GLI3: variants seen among roughly 807,000 people sequenced by gnomAD.
GLI3 encodes the protein GLI family zinc finger 3.
GLI3 carries 20 observed loss-of-function variants against 100.8 expected under a neutral mutation model. The ratio of observed to expected loss-of-function variants is 0.20; its 90% CI spans 0.14 to 0.29. The LOEUF is 0.29. Ranked by LOEUF, GLI3 falls within the 10% of genes least tolerant of loss-of-function variation. GLI3 has a pLI of 1.00. For synonymous variants in GLI3, 938 were observed against 860.5 expected (o/e 1.09, Z -1.58); for missense variants, 2,040 against 2,128.5 (o/e 0.96, Z 0.82).
upstream of GLI3, among the ~76,000 whole-genome samples, chr7:42,239,116 A>G (rs1301655805): frequency 6.6e-6 from 1 of 152,248 alleles, no homozygotes; most frequent in Non-Finnish European, 1.5e-5. Context: ...AGGTGGGGCT[A>G]AAGGCCCTAG....
At chr7:42,092,279 G>A (rs867569188) in intron 3 of GLI3, among the ~76,000 whole-genome samples, 2 of 152,122 alleles carry the variant, frequency 1.3e-5, no homozygotes, top group Non-Finnish European at 2.9e-5. Flanking sequence ...CCCCTACCCC[G>A]GTGAAAATAA....
At chr7:42,120,047 C>T (rs1785958268) in intron 3 of GLI3, among the ~76,000 whole-genome samples, 1 of 152,148 alleles carries the variant, frequency 6.6e-6, no homozygotes, top group Admixed American at 6.5e-5. Flanking sequence ...CCATGGGTCT[C>T]AAGGCTGAGG....
intron 1 of GLI3, among the ~76,000 whole-genome samples, chr7:42,253,071 A>G (rs569473237): frequency 6.6e-6 from 1 of 152,322 alleles, no homozygotes; most frequent in South Asian, 2.1e-4. Context: ...TGGAGCTTGC[A>G]TTAGCAGAAA....
intron 3 of GLI3, among the ~76,000 whole-genome samples, chr7:42,131,777 C>T (rs1034687793): frequency 3.3e-5 from 5 of 152,150 alleles, no homozygotes; most frequent in African/African-American, 9.7e-5. Flanking sequence ...GCTTACAACA[C>T]TCTTTAAAGT....
intron 3 of GLI3, among the ~76,000 whole-genome samples, chr7:42,137,905 A>T (rs915183131): frequency 2.8e-4 from 43 of 152,166 alleles, no homozygotes; most frequent in African/African-American, 9.9e-4. Context: ...GTAGACTTGG[A>T]TTTCATCTCC....
chr7:42,077,987 G>A (rs1486053480), intron 3 of GLI3, among the ~76,000 whole-genome samples: 1 of 152,210 alleles, frequency 6.6e-6, no homozygotes, highest in African/African-American at 2.4e-5. Context: ...CTGAGGATTG[G>A]TGTGTACACC....
Position 41,967,635 on chromosome 7 carries a change from G to A in GLI3, c.2392C>T (p.Pro798Ser), listed in dbSNP as rs1377781940. The change falls in exon 14 of 15, where the codon CCC becomes TCC. Residue 798 changes from proline (P) to serine (S), a missense_variant. Around this residue, in one of 5 missense-constraint regions of GLI3, gnomAD observed 327 missense variants for 338.7 expected, o/e 0.97. Coordinates refer to ENST00000395925, the MANE Select transcript of GLI3 (RefSeq NM_000168.6). ...GGAGAGACCGCAGGGGCTTTAGGGG[G>A]TAGAATGGGGTTCAGTCGCGGAAAC... Reference protein sequence around the residue: ...GMFPRLNPILPPKAPAVSPLI... With the variant: ...GMFPRLNPILSPKAPAVSPLI... The A allele has an allele frequency of 1.2e-6, 2 of 1,613,852 alleles. No individual in the cohort carries two copies. The highest frequency in any genetic ancestry group is 1.7e-4 in the Middle Eastern group (1 of 5,950).
At chr7:42,164,429 A>T (rs929640230) in intron 2 of GLI3, among the ~76,000 whole-genome samples, 1 of 152,148 alleles carries the variant, frequency 6.6e-6, no homozygotes, top group African/African-American at 2.4e-5. Flanking sequence ...CTGGGGTGGG[A>T]AGCTCCTTGA....
intron 10 of GLI3, among the ~76,000 whole-genome samples, chr7:42,016,749 C>T: frequency 6.6e-6 from 1 of 152,138 alleles, no homozygotes; most frequent in Non-Finnish European, 1.5e-5. Context: ...TTTCATCAGG[C>T]CTCAAAAGTT....
At chr7:42,042,013 C>CG (rs1377774939) in intron 6 of GLI3, among the ~76,000 whole-genome samples, 1 of 116,358 alleles carries the variant, frequency 8.6e-6, no homozygotes, top group Non-Finnish European at 1.7e-5. Flanking sequence ...CAACGATTTC[C>CG]TTTTTTTTTT....
At position 42,178,713 on chromosome 7, in the gene GLI3, G is replaced by C. The variant is rs140072230; in HGVS notation, c.125-30245C>G. ...ACACATCCCCATCACTGGAAGATTA[G>C]AGTTTACCAGGAGGAAAGGATAGTG... On this transcript the variant is annotated intron_variant, in intron 2 of 14. Coordinates refer to ENST00000395925, the MANE Select transcript of GLI3 (RefSeq NM_000168.6). Among the ~76,000 whole-genome samples, 228 of 152,264 alleles carry C rather than the reference G, an allele frequency of 1.5e-3. 1 individual carries two copies. Among genetic ancestry groups the C allele is most frequent in the African/African-American group, 5.3e-3 (222 of 41,558 alleles).
At position 41,966,572 on chromosome 7, in the gene GLI3, G is replaced by C. The variant is rs375261329; in HGVS notation, c.2501C>G (p.Ser834Cys). ...MTLLPGRSDL[S>C]GVDVTMLNML... ...GTTCAGCATAGTGACGTCCACCCCA[G>C]AGAGGTCGCTTCTGCCCGGGAGAAG... Residue 834 changes from serine (S) to cysteine (C), a missense_variant, in exon 15 of 15, where the codon TCT becomes TGT. By Grantham distance (112) the Ser-to-Cys change is moderately radical. Transcript: ENST00000395925. This position sits in a 1 kb window ranked among gnomAD's most constrained non-coding sequence, Gnocchi z 5.8. 22 of 1,613,958 alleles carry C rather than the reference G, an allele frequency of 1.4e-5. No individual in the cohort carries two copies. In the African/African-American group the frequency reaches 2.8e-4, roughly 21 times the overall value.
At chr7:42,107,787 C>A (rs569073021) in intron 3 of GLI3, among the ~76,000 whole-genome samples, 1 of 152,194 alleles carries the variant, frequency 6.6e-6, no homozygotes, top group Non-Finnish European at 1.5e-5. Flanking sequence ...CATCTCTTCA[C>A]GCCTGCTCAA....
chr7:42,117,058 G>A (rs190881302), intron 3 of GLI3, among the ~76,000 whole-genome samples: 3 of 152,304 alleles, frequency 2.0e-5, no homozygotes, highest in Admixed American at 6.5e-5. Context: ...GTAGGTAAAC[G>A]CTCAACCTAT....
chr7:42,154,333 G>A (rs1208105291), intron 2 of GLI3, among the ~76,000 whole-genome samples: 1 of 152,000 alleles, frequency 6.6e-6, no homozygotes, highest in African/African-American at 2.4e-5. Flanking sequence ...CCTCTCCACC[G>A]CACTCCAGGA....
At chr7:42,103,743 A>T (rs58130870) in intron 3 of GLI3, among the ~76,000 whole-genome samples, 74,045 of 151,358 alleles carry the variant, frequency 0.49, 19,753 homozygotes, top group East Asian at 0.7. Flanking sequence ...CACCTATCCA[A>T]GAGCACCCAA....
upstream of GLI3, among the ~76,000 whole-genome samples, chr7:42,238,506 GC>G (rs1308990160): frequency 1.3e-5 from 2 of 152,170 alleles, no homozygotes; most frequent in Non-Finnish European, 2.9e-5. Flanking sequence ...GCGAGGAGGA[GC>G]TCCCACCACA....
intron 2 of GLI3, among the ~76,000 whole-genome samples, chr7:42,219,944 C>T (rs1788452190): frequency 6.6e-6 from 1 of 151,500 alleles, no homozygotes; most frequent in Non-Finnish European, 1.5e-5. Flanking sequence ...AGCTCCACCT[C>T]CCGAATTCAC....
intron 2 of GLI3, among the ~76,000 whole-genome samples, chr7:42,165,714 CAGAA>C (rs1241685852): frequency 6.6e-6 from 1 of 152,106 alleles, no homozygotes; most frequent in Non-Finnish European, 1.5e-5. Flanking sequence ...GAGCTGACCA[CAGAA>C]AGAAACATCT....
Sources: gnomAD v4.1 joint callset for allele counts (sites outside exome capture counted in the v4.1 genomes callset) on GRCh38, gnomAD v4.1.1 for gene constraint, gnomAD v4.1.1 regional missense constraint, Gnocchi (gnomAD v3.1) non-coding constraint, MANE v1.5 for transcripts, NCBI Gene and HGNC (gene_info 2026-07-23, HGNC 2026-07-21) for gene names.